Variants in UNC5C observed in about 807,000 individuals in gnomAD.
The protein encoded by UNC5C is unc-5 netrin receptor C, also known as netrin receptor UNC5C.
A neutral mutation model predicts 99.8 loss-of-function variants in UNC5C; 47 were observed. That is an observed-to-expected ratio of 0.47 (90% confidence interval 0.37 to 0.60). UNC5C has a LOEUF of 0.60. Among genes scored for constraint, UNC5C ranks in the 20% least tolerant of loss-of-function variants. The pLI is 0.00. For synonymous variants in UNC5C, 487 were observed against 452.2 expected (o/e 1.08, Z -0.98); for missense variants, 1,062 against 1,165.9 (o/e 0.91, Z 1.30).
At chr4:95,491,338 TAGAA>T (rs1208386768) in intron 1 of UNC5C, among the ~76,000 whole-genome samples, 7 of 151,600 alleles carry the variant, frequency 4.6e-5, no homozygotes, top group Non-Finnish European at 1.0e-4. Flanking sequence ...CACTTATTGA[TAGAA>T]AGAAATGTAG....
At chr4:95,380,127 C>T (rs76298281) in intron 1 of UNC5C, among the ~76,000 whole-genome samples, 5,133 of 152,210 alleles carry the variant, frequency 0.034, 129 homozygotes, top group Non-Finnish European at 0.05. Flanking sequence ...TTCGCTGCTT[C>T]TTTGTCCACG....
At chr4:95,393,844 T>C (rs1167211954) in intron 1 of UNC5C, among the ~76,000 whole-genome samples, 1 of 136,610 alleles carries the variant, frequency 7.3e-6, no homozygotes, top group African/African-American at 2.9e-5. Context: ...TCTTATACAA[T>C]CTACTGTTTT....
chr4:95,216,238 AT>A (rs1738244998), intron 9 of UNC5C, 27 bp from the exon 10 acceptor site: 1 of 1,587,778 alleles, frequency 6.3e-7, no homozygotes, highest in Non-Finnish European at 8.6e-7. Context: ...AAAAGCAGTC[AT>A]TTAAGACTTT....
At chr4:95,540,191 C>G (rs1166221904) in intron 1 of UNC5C, among the ~76,000 whole-genome samples, 10 of 152,192 alleles carry the variant, frequency 6.6e-5, no homozygotes, top group African/African-American at 2.4e-4. Flanking sequence ...CAAGTTTATA[C>G]CTTTTAAATA....
intron 1 of UNC5C, among the ~76,000 whole-genome samples, chr4:95,346,246 C>T (rs1468009067): frequency 1.3e-5 from 2 of 151,836 alleles, no homozygotes; most frequent in Non-Finnish European, 1.5e-5. Context: ...AAATCCAAGA[C>T]TCGAACAGAC....
intron 1 of UNC5C, among the ~76,000 whole-genome samples, chr4:95,493,974 A>T (rs1721569962): frequency 1.3e-5 from 2 of 151,468 alleles, no homozygotes; most frequent in African/African-American, 4.8e-5. Context: ...AAAGATGCCA[A>T]CTATATGATA....
chr4:95,536,446 G>C (rs1722785266), intron 1 of UNC5C, among the ~76,000 whole-genome samples: 1 of 152,078 alleles, frequency 6.6e-6, no homozygotes, highest in African/African-American at 2.4e-5. Context: ...ATCCATGAAA[G>C]TAACAGTGCA....
chr4:95,373,194 A>G (rs929556538), intron 1 of UNC5C, among the ~76,000 whole-genome samples: 1 of 152,138 alleles, frequency 6.6e-6, no homozygotes, highest in African/African-American at 2.4e-5. Context: ...GATCTTTTAA[A>G]AACATAAGTA....
At chr4:95,213,588 G>C (rs1738149351) in intron 10 of UNC5C, among the ~76,000 whole-genome samples, 1 of 152,184 alleles carries the variant, frequency 6.6e-6, no homozygotes, top group Non-Finnish European at 1.5e-5. Flanking sequence ...TATGCCACAT[G>C]TAATTAAGTT....
chr4:95,301,013 T>G (rs998733625), intron 3 of UNC5C, among the ~76,000 whole-genome samples: 1 of 152,138 alleles, frequency 6.6e-6, no homozygotes, highest in African/African-American at 2.4e-5. Flanking sequence ...CCCCATGATG[T>G]GATTATTAGG....
At chr4:95,546,724 T>A (rs1723079991) in intron 1 of UNC5C, among the ~76,000 whole-genome samples, 1 of 152,194 alleles carries the variant, frequency 6.6e-6, no homozygotes, top group African/African-American at 2.4e-5. Flanking sequence ...ATCCTAAGCA[T>A]CTTTTCTTTT....
intron 1 of UNC5C, among the ~76,000 whole-genome samples, chr4:95,500,082 A>G (rs1721740433): frequency 6.6e-6 from 1 of 152,174 alleles, no homozygotes; most frequent in Non-Finnish European, 1.5e-5. Flanking sequence ...TGGAAACTTA[A>G]TATAAATGAT....
chr4:95,183,141 C>A, intron 13 of UNC5C, 80 bp from the exon 14 acceptor site: 1 of 1,386,612 alleles, frequency 7.2e-7, no homozygotes, highest in Non-Finnish European at 1.0e-6. Context: ...GCCAGGTACT[C>A]TGAGTATCAC....
chr4:95,367,876 T>C (rs544145420), intron 1 of UNC5C, among the ~76,000 whole-genome samples: 118 of 152,276 alleles, frequency 7.7e-4, no homozygotes, highest in South Asian at 4.6e-3. Flanking sequence ...TCTAAGAACA[T>C]TATAGATCAT....
intron 1 of UNC5C, among the ~76,000 whole-genome samples, chr4:95,447,231 AT>A (rs1386633577): frequency 6.6e-6 from 1 of 152,200 alleles, no homozygotes; most frequent in Admixed American, 6.5e-5. Flanking sequence ...TTCTAGATTC[AT>A]AGGAAAATGA....
chr4:95,274,167 T>C (rs868584726), intron 4 of UNC5C, among the ~76,000 whole-genome samples: 1 of 152,144 alleles, frequency 6.6e-6, no homozygotes, highest in Non-Finnish European at 1.5e-5. Context: ...CTATATAAAA[T>C]TGTGGCATGT....
At chr4:95,393,245 C>T (rs1191914918) in intron 1 of UNC5C, among the ~76,000 whole-genome samples, 1 of 152,160 alleles carries the variant, frequency 6.6e-6, no homozygotes, top group African/African-American at 2.4e-5. Flanking sequence ...TTCCTCCTCC[C>T]TAAGATATTA....
At chr4:95,434,637 A>T (rs1006365458) in intron 1 of UNC5C, among the ~76,000 whole-genome samples, 3 of 152,078 alleles carry the variant, frequency 2.0e-5, no homozygotes, top group Non-Finnish European at 2.9e-5. Context: ...CCCTACATGG[A>T]GAAAGAGAGC....
chr4:95,421,725 T>C (rs1033985570), intron 1 of UNC5C, among the ~76,000 whole-genome samples: 1 of 152,128 alleles, frequency 6.6e-6, no homozygotes, highest in Non-Finnish European at 1.5e-5. Flanking sequence ...AATAATTTAC[T>C]ATAACTATTT....
Sources: allele counts gnomAD v4.1 joint callset (sites outside exome capture counted in the v4.1 genomes callset), GRCh38; gene constraint gnomAD v4.1.1; transcripts MANE v1.5; gene names NCBI Gene and HGNC (gene_info 2026-07-23, HGNC 2026-07-21).